The following RANBP17 variants were observed in gnomAD, a reference collection of about 807,000 sequenced individuals.
The protein encoded by RANBP17 is ran-binding protein 17.
In RANBP17, 158 loss-of-function variants were observed where a neutral mutation model predicts 141.2. The ratio of observed to expected loss-of-function variants is 1.12; its 90% CI spans 0.98 to 1.28. The LOEUF (loss-of-function observed/expected upper bound fraction) is 1.28. Ranked by LOEUF, RANBP17 falls within the 50% of genes most tolerant of loss-of-function variation. The pLI, the probability that RANBP17 is intolerant of heterozygous loss-of-function variation, is 0.00. For synonymous variants in RANBP17, 430 were observed against 450.0 expected (o/e 0.96, Z 0.56); for missense variants, 1,438 against 1,290.7 (o/e 1.11, Z -1.75).
chr5:170,924,557 AAACTT>A lies in RANBP17; in HGVS notation c.1468+8_1468+12del. The A allele has an allele frequency of 6.4e-7, 1 of 1,570,468 alleles. No homozygotes were observed. The highest frequency in any genetic ancestry group is 2.1e-4 in the Middle Eastern group (1 of 4,842). On this transcript the variant is annotated splice_region_variant and intron_variant, in intron 12 of 27. Transcript: ENST00000523189. ...GACATCACCATTCAGGAAGGTCAGT[AAACTT>A]TATATGACTACTGAGTATTATGTTG...
At chr5:171,100,945 T>C (rs899468711) in intron 14 of RANBP17, among the ~76,000 whole-genome samples, 3 of 152,236 alleles carry the variant, frequency 2.0e-5, no homozygotes, top group Non-Finnish European at 4.4e-5. Context: ...TTTAATTTGA[T>C]TGCACTGTGT....
At chr5:171,111,561 A>G (rs969665658) in intron 14 of RANBP17, among the ~76,000 whole-genome samples, 4 of 151,976 alleles carry the variant, frequency 2.6e-5, no homozygotes, top group Admixed American at 2.0e-4. Flanking sequence ...AGTGAGCCCC[A>G]TTTCTTTCAA....
chr5:171,133,541 A>G (rs1378111093), intron 14 of RANBP17, among the ~76,000 whole-genome samples: 1 of 152,132 alleles, frequency 6.6e-6, no homozygotes, highest in Non-Finnish European at 1.5e-5. Context: ...TATAGTTTCA[A>G]CAATCTTTCA....
intron 13 of RANBP17, among the ~76,000 whole-genome samples, chr5:170,957,072 AACACACACACACACACACAC>A (rs58034888): frequency 2.8e-5 from 4 of 142,902 alleles, no homozygotes; most frequent in African/African-American, 7.8e-5. Flanking sequence ...TCTGTCTCAA[AACACACACACACACACACAC>A]ACACACACAC....
At chr5:170,990,360 A>G (rs13180996) in intron 14 of RANBP17, among the ~76,000 whole-genome samples, 103,470 of 151,716 alleles carry the variant, frequency 0.68, 35,482 homozygotes, top group South Asian at 0.89. Flanking sequence ...CCAGCATGTG[A>G]CAGTAAACCA....
intron 5 of RANBP17, among the ~76,000 whole-genome samples, chr5:170,898,697 T>C (rs1385376805): frequency 6.6e-6 from 1 of 152,184 alleles, no homozygotes; most frequent in Non-Finnish European, 1.5e-5. Flanking sequence ...AATTTTTGTA[T>C]AAGGTGTCAG....
intron 14 of RANBP17, among the ~76,000 whole-genome samples, chr5:171,060,329 G>A (rs1043111291): frequency 1.5e-4 from 22 of 149,898 alleles, no homozygotes; most frequent in African/African-American, 5.4e-4. Context: ...ATTATTTTGA[G>A]ATACGTCCCA....
rs531733887 is a variant in RANBP17 at position 171,277,621 on chromosome 5, G to A, written c.2943+11774G>A. Among the ~76,000 whole-genome samples the A allele has an allele frequency of 1.2e-4, 5 of 40,510 alleles. No individual in the cohort carries two copies. The South Asian group carries it at 2.4e-3, about 19-fold the overall frequency. The allele number at this position is 40,510 out of a possible 152,430, so 26.6% of individuals were successfully genotyped here. A position where few individuals can be genotyped will look rare whatever the true frequency, so the allele number is the denominator to read the frequency against. ...CTAGGCTGTGTGCTAAGTGCCTTAC[G>A]TATACATATATGTATGTATATATAT... is the stretch of plus-strand genomic sequence containing the variant. On this transcript the variant is annotated intron_variant, in intron 25 of 27. Coordinates refer to ENST00000523189, the MANE Select transcript of RANBP17 (RefSeq NM_022897.5).
At chr5:171,008,332 T>C (rs1218845624) in intron 14 of RANBP17, among the ~76,000 whole-genome samples, 1 of 152,276 alleles carries the variant, frequency 6.6e-6, no homozygotes, top group East Asian at 1.9e-4. Flanking sequence ...AGGTCATAGG[T>C]GGATCTCTTC....
chr5:171,067,897 C>T (rs1444338120), intron 14 of RANBP17, among the ~76,000 whole-genome samples: 2 of 152,162 alleles, frequency 1.3e-5, no homozygotes, highest in African/African-American at 4.8e-5. Context: ...CACTGAGCTT[C>T]TGGGATTTAT....
rs147807677 is a variant in RANBP17 at position 170,986,318 on chromosome 5, A to G, written c.1710+17941A>G. On this transcript the variant is annotated intron_variant, in intron 14 of 27. Coordinates refer to ENST00000523189, the MANE Select transcript of RANBP17 (RefSeq NM_022897.5). Reference sequence around the variant, plus strand: ...TGTTTATAAGTGTCATGAACTAGTGATATATAAGCATGTTTAGATCTTTTT... The same window carrying G: ...TGTTTATAAGTGTCATGAACTAGTGGTATATAAGCATGTTTAGATCTTTTT... Among the ~76,000 whole-genome samples the G allele has an allele frequency of 3.9e-3, 599 of 152,160 alleles. 4 individuals carry two copies. The highest frequency in any genetic ancestry group is 0.014 in the African/African-American group (576 of 41,552).
chr5:171,080,454 C>A (rs972366504), intron 14 of RANBP17, among the ~76,000 whole-genome samples: 1 of 152,078 alleles, frequency 6.6e-6, no homozygotes, highest in Non-Finnish European at 1.5e-5. Flanking sequence ...TGTCTGACTT[C>A]TTGTTTGGAT....
At chr5:170,971,559 T>C (rs557925215) in intron 14 of RANBP17, among the ~76,000 whole-genome samples, 1 of 152,296 alleles carries the variant, frequency 6.6e-6, no homozygotes, top group African/African-American at 2.4e-5. Context: ...TCCACTGGGA[T>C]GTTGAATGGG....
chr5:171,198,612 C>G (rs911936978), intron 18 of RANBP17, among the ~76,000 whole-genome samples: 1 of 152,150 alleles, frequency 6.6e-6, no homozygotes, highest in Non-Finnish European at 1.5e-5. Context: ...GTTTCTGATT[C>G]AATAGATATG....
chr5:170,899,697 A>G (rs547341395), intron 5 of RANBP17, among the ~76,000 whole-genome samples: 1 of 152,178 alleles, frequency 6.6e-6, no homozygotes, highest in Non-Finnish European at 1.5e-5. Flanking sequence ...TGTTCCATCA[A>G]TACCTAGTAT....
At chr5:171,015,525 C>G (rs1251798082) in intron 14 of RANBP17, among the ~76,000 whole-genome samples, 3 of 151,974 alleles carry the variant, frequency 2.0e-5, no homozygotes, top group Non-Finnish European at 4.4e-5. Context: ...AATATATTTT[C>G]TAACTTTTTG....
Position 171,045,646 on chromosome 5 carries a change from AG to A in RANBP17, c.1710+77270del, listed in dbSNP as rs528417542. ...CCAAGTTTAGGCTTTCTAGGGGAAA[AG>A]CAAAATAGCCTCTAAAACAGTATGC... is the stretch of plus-strand genomic sequence containing the variant. On this transcript the variant is annotated intron_variant, in intron 14 of 27. Coordinates refer to ENST00000523189, the MANE Select transcript of RANBP17 (RefSeq NM_022897.5). Among the ~76,000 whole-genome samples the A allele has an allele frequency of 5.8e-3, 889 of 152,326 alleles. 8 individuals carry two copies. Among genetic ancestry groups the A allele is most frequent in the African/African-American group, 0.02 (847 of 41,582 alleles).
intron 14 of RANBP17, among the ~76,000 whole-genome samples, chr5:171,152,276 C>T (rs1214191869): frequency 1.3e-5 from 2 of 151,516 alleles, no homozygotes; most frequent in African/African-American, 4.8e-5. Context: ...AAAAATTAGC[C>T]AGGCATGGTG....
intron 14 of RANBP17, among the ~76,000 whole-genome samples, chr5:171,138,596 C>T (rs989652617): frequency 2.0e-5 from 3 of 148,874 alleles, no homozygotes; most frequent in Non-Finnish European, 4.4e-5. Context: ...GCTTAGAGAA[C>T]GAAAGCAACA....
Sources: allele counts gnomAD v4.1 joint callset (sites outside exome capture counted in the v4.1 genomes callset), GRCh38; gene constraint gnomAD v4.1.1; transcripts MANE v1.5; gene names NCBI Gene and HGNC (gene_info 2026-07-23, HGNC 2026-07-21).